SLC24A2: variants seen among roughly 807,000 people sequenced by gnomAD.
SLC24A2 encodes sodium/potassium/calcium exchanger 2.
Under a neutral mutation model 62.0 loss-of-function variants are expected in SLC24A2, and 36 were observed. The observed-to-expected ratio is 0.58, with a 90% CI of 0.44 to 0.77. The LOEUF is 0.77. Ranked by LOEUF, SLC24A2 falls within the 30% of genes least tolerant of loss-of-function variation. The probability of loss-of-function intolerance (pLI) is 0.00; values close to 1 mark genes in which losing one functional copy is unlikely to be tolerated. For synonymous variants in SLC24A2, 358 were observed against 294.0 expected (o/e 1.22, Z -2.23); for missense variants, 846 against 817.9 (o/e 1.03, Z -0.42).
the SLC24A2 span, among the ~76,000 whole-genome samples, chr9:20,227,809 T>C: frequency 0.16 from 23,815 of 152,052 alleles, 2,462 homozygotes; most frequent in African/African-American, 0.29. Flanking sequence ...CAAGGTCACA[T>C]ACACACACAT....
intron 2 of SLC24A2, among the ~76,000 whole-genome samples, chr9:19,751,484 T>C (rs1214800865): frequency 6.6e-6 from 1 of 152,176 alleles, no homozygotes; most frequent in East Asian, 1.9e-4. Context: ...GGCTGGGACC[T>C]GGAGGATCCT....
chr9:20,287,611 G>T, the SLC24A2 span, among the ~76,000 whole-genome samples: 1 of 152,324 alleles, frequency 6.6e-6, no homozygotes, highest in African/African-American at 2.4e-5. Context: ...GATTCCTAGT[G>T]CTAGGGATAT....
chr9:20,092,970 C>G, the SLC24A2 span, among the ~76,000 whole-genome samples: 2 of 152,024 alleles, frequency 1.3e-5, no homozygotes, highest in Non-Finnish European at 2.9e-5. Context: ...GAAATCATGG[C>G]CAACATAAAT....
At chr9:20,292,108 G>T in the SLC24A2 span, among the ~76,000 whole-genome samples, 6 of 152,108 alleles carry the variant, frequency 3.9e-5, no homozygotes, top group Admixed American at 1.3e-4. Context: ...ACACCCAACC[G>T]CAACACAGCA....
intron 2 of SLC24A2, among the ~76,000 whole-genome samples, chr9:19,732,450 C>G (rs111536747): frequency 6.6e-6 from 1 of 152,116 alleles, no homozygotes; most frequent in East Asian, 1.9e-4. Context: ...GGCTGGCAGC[C>G]TTTCTTATTT....
chr9:20,048,507 GA>G, the SLC24A2 span, among the ~76,000 whole-genome samples: 26,570 of 152,102 alleles, frequency 0.17, 3,883 homozygotes, highest in East Asian at 0.68. Context: ...ATATTATTTA[GA>G]AAAACTGCTT....
the SLC24A2 span, among the ~76,000 whole-genome samples, chr9:19,863,275 C>A: frequency 1.6e-4 from 24 of 151,992 alleles, no homozygotes; most frequent in African/African-American, 5.3e-4. Flanking sequence ...AAGAGCTAGA[C>A]CCCAATACGA....
intron 2 of SLC24A2, among the ~76,000 whole-genome samples, chr9:19,703,494 T>A (rs1820417505): frequency 6.6e-6 from 1 of 152,182 alleles, no homozygotes; most frequent in Admixed American, 6.5e-5. Context: ...ATATTTAAGT[T>A]GTATCAAGAG....
At chr9:19,891,547 G>A in the SLC24A2 span, among the ~76,000 whole-genome samples, 1 of 152,104 alleles carries the variant, frequency 6.6e-6, no homozygotes. Flanking sequence ...TTGTGAGAGA[G>A]GGAGGAAGAG....
chr9:20,090,186 C>T, the SLC24A2 span, among the ~76,000 whole-genome samples: 1 of 152,154 alleles, frequency 6.6e-6, no homozygotes, highest in South Asian at 2.1e-4. Context: ...CTGGCTTAGG[C>T]CCACAGCACA....
intron 8 of SLC24A2, among the ~76,000 whole-genome samples, chr9:19,547,114 G>A (rs560857846): frequency 6.6e-6 from 1 of 152,242 alleles, no homozygotes; most frequent in East Asian, 1.9e-4. Context: ...TTAAGCACTG[G>A]CCAAGGCCCA....
At chr9:19,535,607 G>A (rs1436754868) in intron 8 of SLC24A2, among the ~76,000 whole-genome samples, 1 of 152,150 alleles carries the variant, frequency 6.6e-6, no homozygotes, top group South Asian at 2.1e-4. Context: ...GATTACATAG[G>A]GAATCCTTTC....
chr9:19,765,580 T>C (rs571253841), intron 2 of SLC24A2, among the ~76,000 whole-genome samples: 1 of 152,318 alleles, frequency 6.6e-6, no homozygotes, highest in South Asian at 2.1e-4. Context: ...GGATATGAAA[T>C]TCTGGGTTGA....
chr9:19,573,193 G>T (rs1246246970), intron 7 of SLC24A2, among the ~76,000 whole-genome samples, 158 bp downstream of exon 7: 1 of 152,074 alleles, frequency 6.6e-6, no homozygotes, highest in East Asian at 1.9e-4. Flanking sequence ...GGGACCCTGG[G>T]GTGGCACTGG....
chr9:19,738,830 T>C (rs1821587049), intron 2 of SLC24A2, among the ~76,000 whole-genome samples: 1 of 152,082 alleles, frequency 6.6e-6, no homozygotes, highest in African/African-American at 2.4e-5. Flanking sequence ...ATAAAAATCA[T>C]ATATCTAGCC....
At chr9:19,902,358 A>G in the SLC24A2 span, among the ~76,000 whole-genome samples, 1 of 152,212 alleles carries the variant, frequency 6.6e-6, no homozygotes, top group Non-Finnish European at 1.5e-5. Flanking sequence ...GCAAATGGAA[A>G]AAGGACATTT....
chr9:20,161,757 TACAC>T, the SLC24A2 span, among the ~76,000 whole-genome samples: 26,046 of 147,238 alleles, frequency 0.18, 3,546 homozygotes, highest in East Asian at 0.7. Context: ...AACATGAAGA[TACAC>T]ACACACACAC....
At chr9:20,020,328 C>T in the SLC24A2 span, among the ~76,000 whole-genome samples, 1 of 152,166 alleles carries the variant, frequency 6.6e-6, no homozygotes, top group Non-Finnish European at 1.5e-5. Flanking sequence ...ACCCAAATGT[C>T]CATCAATGAT....
At chr9:19,617,824 A>G (rs972990040) in intron 4 of SLC24A2, among the ~76,000 whole-genome samples, 3 of 152,172 alleles carry the variant, frequency 2.0e-5, no homozygotes, top group African/African-American at 7.2e-5. Flanking sequence ...ACATAACCTG[A>G]TTTACTTTTT....
Sources: gnomAD v4.1 joint callset for allele counts (sites outside exome capture counted in the v4.1 genomes callset) on GRCh38, gnomAD v4.1.1 for gene constraint, MANE v1.5 for transcripts, NCBI Gene and HGNC (gene_info 2026-07-23, HGNC 2026-07-21) for gene names.